LRRFIP1: variants seen among roughly 807,000 people sequenced by gnomAD.
The protein encoded by LRRFIP1 is LRR binding FLII interacting protein 1, also known as leucine-rich repeat flightless-interacting protein 1.
LRRFIP1 carries 62 observed loss-of-function variants against 104.4 expected under a neutral mutation model. The ratio of observed to expected loss-of-function variants is 0.59; its 90% confidence interval spans 0.48 to 0.73. The LOEUF is 0.73. LRRFIP1 is among the 30% of genes least tolerant of loss of function. The pLI is 0.00. For missense variants in LRRFIP1, 796 were observed against 824.5 expected (o/e 0.97, Z 0.42); for synonymous variants, 300 against 299.0 (o/e 1.00, Z -0.03).
chr2:237,692,561 C>A, intron 1 of LRRFIP1: 1 of 1,480,864 alleles, frequency 6.8e-7, no homozygotes, highest in Non-Finnish European at 9.0e-7. Context: ...TTCGTGACTG[C>A]GGCGGGGTTT....
intron 1 of LRRFIP1, among the ~76,000 whole-genome samples, chr2:237,672,668 T>C (rs1237299627): frequency 2.0e-5 from 3 of 152,222 alleles, no homozygotes; most frequent in African/African-American, 7.2e-5. Flanking sequence ...TTTTTCAATA[T>C]TTGTCCTTGC....
At chr2:237,708,048 CT>C (rs1328838901) in intron 1 of LRRFIP1, among the ~76,000 whole-genome samples, 34 of 152,228 alleles carry the variant, frequency 2.2e-4, no homozygotes, top group Non-Finnish European at 2.9e-5. Flanking sequence ...CTGGCAGCCT[CT>C]CCAGGCCTTC....
chr2:237,763,030 C>G, intron 19 of LRRFIP1: 1 of 1,614,180 alleles, frequency 6.2e-7, no homozygotes, highest in Non-Finnish European at 8.5e-7. Context: ...GCACAGTGGC[C>G]TCGTGTCCTT....
chr2:237,681,272 A>C (rs1575426752), intron 1 of LRRFIP1, among the ~76,000 whole-genome samples: 1 of 152,230 alleles, frequency 6.6e-6, no homozygotes, highest in African/African-American at 2.4e-5. Flanking sequence ...CAATGTTTAC[A>C]ACTCCCACAG....
chr2:237,655,322 C>G (rs907058501), intron 1 of LRRFIP1, among the ~76,000 whole-genome samples: 1 of 151,348 alleles, frequency 6.6e-6, no homozygotes, highest in Non-Finnish European at 1.5e-5. Context: ...GTTTGCCAGG[C>G]TGGTCTCAAA....
intron 1 of LRRFIP1, among the ~76,000 whole-genome samples, chr2:237,677,258 G>A (rs2091271377): frequency 6.6e-6 from 1 of 152,058 alleles, no homozygotes; most frequent in South Asian, 2.1e-4. Flanking sequence ...AATAGTATGA[G>A]GTACCTCATC....
In LRRFIP1 at chr2:237,764,487, A is replaced by G. The variant is rs145824649; in HGVS notation, c.1459+4282A>G. 6.1e-6 allele frequency: 7 copies of G among 1,139,320 alleles called. No homozygotes were observed. The East Asian group carries it at 1.6e-4, about 27-fold the overall frequency. 70.6% of individuals were successfully genotyped at this position (1,139,320 alleles called of 1,614,324 possible). A position where few individuals can be genotyped will look rare whatever the true frequency, so the allele number is the denominator to read the frequency against. ...TAGGAATGTGGGTTTTCTTGACCAA[A>G]TATATCAGCATCTAATTGAAATGAC... is the stretch of plus-strand genomic sequence containing the variant. On this transcript the variant is annotated intron_variant, in intron 19 of 23. Coordinates refer to ENST00000308482, the MANE Select transcript of LRRFIP1 (RefSeq NM_001137550.2).
chr2:237,735,230 G>A lies in LRRFIP1; in HGVS notation c.490-38G>A. The A allele has an allele frequency of 6.4e-7, 1 of 1,574,590 alleles. No individual in the cohort carries two copies. Among genetic ancestry groups the A allele is most frequent in the Admixed American group, 1.7e-5 (1 of 57,428 alleles). ...CACTTTCTGGGCACTCTTGGAGAAA[G>A]GAAGAGCGCCCATCCTGACAGTCTC... is the stretch of plus-strand genomic sequence containing the variant. On this transcript the variant is annotated intron_variant, in intron 9 of 23. Coordinates refer to ENST00000308482, the MANE Select transcript of LRRFIP1 (RefSeq NM_001137550.2). The surrounding 1 kb of genome is among the most constrained non-coding windows in gnomAD (Gnocchi z 4.6).
chr2:237,771,415 G>A (rs59473571), intron 20 of LRRFIP1, among the ~76,000 whole-genome samples: 40,213 of 151,872 alleles, frequency 0.26, 6,275 homozygotes, highest in East Asian at 0.48. Flanking sequence ...AGTTGTAGGC[G>A]TTGGGTATTA....
chr2:237,650,406 G>T (rs930493984), intron 1 of LRRFIP1, among the ~76,000 whole-genome samples: 1 of 151,986 alleles, frequency 6.6e-6, no homozygotes, highest in African/African-American at 2.4e-5. Flanking sequence ...TTTCCCCCTA[G>T]CAAGAGGGGT....
At position 237,695,733 on chromosome 2, in the gene LRRFIP1, G is replaced by A. The variant is rs537339932; in HGVS notation, c.97-12811G>A. Among the ~76,000 whole-genome samples, 15 of 151,926 alleles carry A rather than the reference G, an allele frequency of 9.9e-5. No homozygotes were observed. The South Asian group carries it at 3.1e-3, about 32-fold the overall frequency. On this transcript the variant is annotated intron_variant, in intron 1 of 23. Coordinates refer to ENST00000308482, the MANE Select transcript of LRRFIP1 (RefSeq NM_001137550.2). ...TTTTTATTACCTCACTGTTATTACT[G>A]GAGGCCGCCCAAATTTGTTTTTTGT... is the stretch of plus-strand genomic sequence containing the variant.
At position 237,717,625 on chromosome 2, in the gene LRRFIP1, C is replaced by T; in HGVS notation, c.202-137C>T. 1 of 757,610 alleles carries T rather than the reference C, an allele frequency of 1.3e-6. No homozygotes were observed. The highest frequency in any genetic ancestry group is 2.4e-6 in the Non-Finnish European group (1 of 412,760). 46.9% of individuals were successfully genotyped at this position (757,610 alleles called of 1,614,324 possible). The stretch of plus-strand genomic sequence containing the variant: ...GTGGAGAAGCCAGGCCTGGTGCCGA[C>T]TGCTTTGCCTTGGCGTGTTACCTTC... On this transcript the variant is annotated intron_variant, in intron 3 of 23. Coordinates refer to ENST00000308482, the MANE Select transcript of LRRFIP1 (RefSeq NM_001137550.2). The surrounding 1 kb of genome is among the most constrained non-coding windows in gnomAD (Gnocchi z 4.2).
At chr2:237,659,419 C>T in intron 1 of LRRFIP1, among the ~76,000 whole-genome samples, 1 of 151,720 alleles carries the variant, frequency 6.6e-6, no homozygotes, top group Admixed American at 6.6e-5. Context: ...TATTAAAGAA[C>T]AGTTTGGGGA....
chr2:237,652,611 C>T (rs1009834545), intron 1 of LRRFIP1, among the ~76,000 whole-genome samples: 9 of 152,232 alleles, frequency 5.9e-5, no homozygotes, highest in African/African-American at 2.2e-4. Context: ...GACCTAAAAG[C>T]AGTGTCTCAA....
intron 23 of LRRFIP1, among the ~76,000 whole-genome samples, chr2:237,778,907 A>G (rs1468280304): frequency 7.0e-6 from 1 of 143,434 alleles, no homozygotes; most frequent in Non-Finnish European, 1.5e-5. Flanking sequence ...ACAGAGCGAG[A>G]CTTTGTCTCA....
At chr2:237,732,474 C>T (rs56182016) in intron 8 of LRRFIP1, among the ~76,000 whole-genome samples, 18,971 of 152,184 alleles carry the variant, frequency 0.12, 1,464 homozygotes, top group East Asian at 0.26. Context: ...ACTTTAATTG[C>T]TGATTACATT....
At chr2:237,740,946 C>T (rs1170632797) in intron 11 of LRRFIP1, among the ~76,000 whole-genome samples, 1 of 152,176 alleles carries the variant, frequency 6.6e-6, no homozygotes, top group African/African-American at 2.4e-5. Flanking sequence ...TATGGGTGGG[C>T]ATTGCAACGC....
intron 1 of LRRFIP1, among the ~76,000 whole-genome samples, chr2:237,645,083 A>G (rs1389188916): frequency 5.9e-5 from 9 of 152,198 alleles, no homozygotes; most frequent in Non-Finnish European, 1.2e-4. Flanking sequence ...CATCCAGGGA[A>G]GTGGACTTAG....
At chr2:237,776,093 C>T (rs1173361710) in intron 23 of LRRFIP1, among the ~76,000 whole-genome samples, 1 of 152,080 alleles carries the variant, frequency 6.6e-6, no homozygotes, top group South Asian at 2.1e-4. Flanking sequence ...CTCGAGTAGC[C>T]GGAAATACAG....
Sources: allele counts gnomAD v4.1 joint callset (sites outside exome capture counted in the v4.1 genomes callset), GRCh38; gene constraint gnomAD v4.1.1; non-coding constraint Gnocchi (gnomAD v3.1); transcripts MANE v1.5; gene names NCBI Gene and HGNC (gene_info 2026-07-23, HGNC 2026-07-21).